The following POLR2F variants were observed in gnomAD, a reference collection of about 807,000 sequenced individuals.
POLR2F encodes DNA-directed RNA polymerases I, II, and III subunit RPABC2.
A neutral mutation model predicts 22.7 loss-of-function variants in POLR2F; 12 were observed. That is an observed-to-expected ratio of 0.53 (90% CI 0.34 to 0.86). The LOEUF is 0.86. Ranked by LOEUF, POLR2F falls within the 40% of genes least tolerant of loss-of-function variation. The pLI is 0.02. For missense variants in POLR2F, 126 were observed against 171.5 expected (o/e 0.73, Z 1.48); for synonymous variants, 57 against 66.0 (o/e 0.86, Z 0.66).
At chr22:37,955,651 G>T (rs1343083037) in intron 1 of POLR2F, among the ~76,000 whole-genome samples, 1 of 151,906 alleles carries the variant, frequency 6.6e-6, no homozygotes, top group Non-Finnish European at 1.5e-5. Flanking sequence ...GGGTAAAATG[G>T]AACAAAAGTC....
At chr22:38,022,568 A>AG (rs1385200324) in intron 1 of POLR2F, among the ~76,000 whole-genome samples, 29 of 151,114 alleles carry the variant, frequency 1.9e-4, no homozygotes, top group Non-Finnish European at 1.5e-4. Flanking sequence ...AAAAAAAAAA[A>AG]AAAGAAAGAA....
In POLR2F at chr22:38,024,847, C is replaced by G. The variant is rs147038258; in HGVS notation, c.121-1022C>G. ...AGTGTAGGCAGGACCCTGGAGGGGT[C>G]GTGCAGGGTGCTGTGGACCATGCAG... On this transcript the variant is annotated intron_variant, in intron 1 of 2. Transcript: ENST00000333418. Among the ~76,000 whole-genome samples the G allele has an allele frequency of 4.6e-5, 7 of 152,056 alleles. No homozygotes were observed. In the East Asian group the frequency reaches 1.4e-3, roughly 29 times the overall value.
At chr22:38,006,414 C>T (rs1249627618) in intron 1 of POLR2F, among the ~76,000 whole-genome samples, 1 of 152,138 alleles carries the variant, frequency 6.6e-6, no homozygotes, top group Non-Finnish European at 1.5e-5. Flanking sequence ...AGCCACCCAG[C>T]CCATAGCAAG....
At chr22:38,002,447 A>G (rs572244569) in intron 1 of POLR2F, among the ~76,000 whole-genome samples, 1 of 152,158 alleles carries the variant, frequency 6.6e-6, no homozygotes. Context: ...TGTCCAGGGC[A>G]CTGCAACCTC....
intron 3 of POLR2F, among the ~76,000 whole-genome samples, chr22:37,960,099 C>T (rs1007871565): frequency 1.3e-5 from 2 of 152,058 alleles, no homozygotes; most frequent in South Asian, 2.1e-4. Flanking sequence ...CCACCGCGCC[C>T]GGCCATGGTG....
intron 5 of POLR2F, chr22:38,032,334 C>T (rs2085073349): frequency 1.3e-5 from 2 of 152,326 alleles, no homozygotes; most frequent in African/African-American, 4.8e-5. Context: ...TGGCCAGTGT[C>T]CTCTCACCTT....
At chr22:38,010,876 C>T (rs2084866142) in intron 1 of POLR2F, among the ~76,000 whole-genome samples, 1 of 152,112 alleles carries the variant, frequency 6.6e-6, no homozygotes, top group South Asian at 2.1e-4. Flanking sequence ...CTTGGCCTCC[C>T]AAAGTGCTGG....
Position 37,980,576 on chromosome 22 carries a change from C to T in POLR2F, c.293+13406C>T, listed in dbSNP as rs1932367034. Reference sequence around the variant, plus strand: ...CCGGACAGCTGATTCCACCTCCACCCCAACCCCAAGCCCAGCCTGCCCACC... The same window carrying T: ...CCGGACAGCTGATTCCACCTCCACCTCAACCCCAAGCCCAGCCTGCCCACC... On this transcript the variant is annotated intron_variant, in intron 4 of 4. Transcript: ENST00000405557. The surrounding 1 kb of genome is among the most constrained non-coding windows in gnomAD (Gnocchi z 4.1). Among the ~76,000 whole-genome samples, 1 of 152,164 alleles carries T rather than the reference C, an allele frequency of 6.6e-6. No individual in the cohort carries two copies. The highest frequency in any genetic ancestry group is 6.5e-5 in the Admixed American group (1 of 15,274).
Position 37,980,286 on chromosome 22 carries a change from G to C in POLR2F, c.293+13116G>C, listed in dbSNP as rs1932357356. On this transcript the variant is annotated intron_variant, in intron 4 of 4. Coordinates refer to the POLR2F transcript ENST00000405557. This position sits in a 1 kb window ranked among gnomAD's most constrained non-coding sequence, Gnocchi z 4.1. ...AGAGGAGAGAGCTGCTCCGCCAGCAGTGGACCCCAACAGAGGGGCTTCTGG... is the reference window on the plus strand; with the variant it reads ...AGAGGAGAGAGCTGCTCCGCCAGCACTGGACCCCAACAGAGGGGCTTCTGG... Among the ~76,000 whole-genome samples, 1 of 152,130 alleles carries C rather than the reference G, an allele frequency of 6.6e-6. No individual in the cohort carries two copies. The highest frequency in any genetic ancestry group is 2.4e-5 in the African/African-American group (1 of 41,414).
At chr22:37,988,582 C>CAG (rs200927010) in intron 1 of POLR2F, among the ~76,000 whole-genome samples, 3,499 of 151,652 alleles carry the variant, frequency 0.023, 56 homozygotes, top group Non-Finnish European at 0.03. Context: ...ACTCAAGAGG[C>CAG]AGAGGTTGCA....
intron 1 of POLR2F, among the ~76,000 whole-genome samples, chr22:38,018,137 G>C (rs906499552): frequency 1.3e-5 from 2 of 152,218 alleles, no homozygotes; most frequent in African/African-American, 2.4e-5. Flanking sequence ...GCCAGGGCAA[G>C]GGCTCAGGCT....
chr22:38,004,377 C>T (rs1455205258), intron 1 of POLR2F, among the ~76,000 whole-genome samples: 1 of 152,026 alleles, frequency 6.6e-6, no homozygotes, highest in Non-Finnish European at 1.5e-5. Context: ...GAGAACAAGT[C>T]AGGCAGTGGC....
rs1267241324 is a variant in POLR2F at position 38,016,777 on chromosome 22, C to T, written c.121-9092C>T. Among the ~76,000 whole-genome samples, 1 of 151,870 alleles carries T rather than the reference C, an allele frequency of 6.6e-6. No individual in the cohort carries two copies. Among genetic ancestry groups the T allele is most frequent in the Non-Finnish European group, 1.5e-5 (1 of 67,936 alleles). On this transcript the variant is annotated intron_variant, in intron 1 of 2. Coordinates refer to the POLR2F transcript ENST00000333418. The surrounding 1 kb of genome is among the most constrained non-coding windows in gnomAD (Gnocchi z 4.4). ...GGCCGCCGTCAATGCCCGCATTGTC[C>T]CCGCGCTTTTTGTTTCTACTGTAAT...
rs374481457 is a variant in POLR2F, at chr22:37,978,154, C to T, written c.293+10984C>T. On this transcript the variant is annotated intron_variant, in intron 4 of 4. Coordinates refer to the POLR2F transcript ENST00000405557. This position sits in a 1 kb window ranked among gnomAD's most constrained non-coding sequence, Gnocchi z 5.0. ...CAGCAGCCTGGGGTGTGGTGGGAGG[C>T]GGAGAGGACAGCAGAGGGGCTGGCG... 1.1e-4 allele frequency: 175 copies of T among 1,534,662 alleles called. No homozygotes were observed. In the African/African-American group the frequency reaches 1.7e-3, roughly 15 times the overall value.
rs532524996 is a variant in POLR2F, at chr22:37,968,190, G to C, written c.*475G>C. On this transcript the variant is annotated 3_prime_UTR_variant, in exon 5 of 5. Coordinates refer to ENST00000442738, the MANE Select transcript of POLR2F (RefSeq NM_021974.5). ...AAGGACCTGCTTCGAGCCTCTTATC[G>C]TGGGCTCGGATCCCCTTTCAGGAGC... The C allele has an allele frequency of 2.0e-6, 2 of 985,346 alleles. No homozygotes were observed. Among genetic ancestry groups the C allele is most frequent in the African/African-American group, 3.5e-5 (2 of 57,222 alleles). The allele number at this position is 985,346 out of a possible 1,614,324, so 61.0% of individuals were successfully genotyped here. A position where few individuals can be genotyped will look rare whatever the true frequency, so the allele number is the denominator to read the frequency against.
At chr22:37,953,889 G>A (rs752089480) in intron 1 of POLR2F, 82 bp downstream of exon 1, 2 of 1,486,954 alleles carry the variant, frequency 1.3e-6, no homozygotes, top group East Asian at 2.3e-5. Context: ...GAGGAGCCTG[G>A]CGTCTAGGGG....
chr22:37,978,229 A>T lies in POLR2F; in HGVS notation c.293+11059A>T. On this transcript the variant is annotated intron_variant, in intron 4 of 4. Coordinates refer to the POLR2F transcript ENST00000405557. This position sits in a 1 kb window ranked among gnomAD's most constrained non-coding sequence, Gnocchi z 5.0. ...GCCTCCCTCTGAGTGTCCATCTTGGAAGATGTGAGGCCCTGGGATGGGGCA... is the reference window on the plus strand; with the variant it reads ...GCCTCCCTCTGAGTGTCCATCTTGGTAGATGTGAGGCCCTGGGATGGGGCA... The T allele has an allele frequency of 7.4e-7, 1 of 1,348,954 alleles. No individual in the cohort carries two copies. Among genetic ancestry groups the T allele is most frequent in the Non-Finnish European group, 9.8e-7 (1 of 1,018,594 alleles). The allele number at this position is 1,348,954 out of a possible 1,614,324, so 83.6% of individuals were successfully genotyped here.
chr22:38,030,431 G>T (rs747631919), downstream of POLR2F, among the ~76,000 whole-genome samples: 2 of 151,684 alleles, frequency 1.3e-5, no homozygotes, highest in African/African-American at 4.8e-5. Flanking sequence ...AACTGGCTTC[G>T]ATTCCAGAGA....
chr22:37,960,639 G>A (rs1430459372), intron 3 of POLR2F, among the ~76,000 whole-genome samples: 1 of 151,914 alleles, frequency 6.6e-6, no homozygotes, highest in Non-Finnish European at 1.5e-5. Context: ...CTGACCTCAT[G>A]ATCCGCCCGC....
Sources: allele counts gnomAD v4.1 joint callset (sites outside exome capture counted in the v4.1 genomes callset), GRCh38; gene constraint gnomAD v4.1.1; non-coding constraint Gnocchi (gnomAD v3.1); transcripts MANE v1.5; gene names NCBI Gene and HGNC (gene_info 2026-07-23, HGNC 2026-07-21).